The following BPTF variants were observed in gnomAD, a reference collection of about 807,000 sequenced individuals.
BPTF encodes nucleosome-remodeling factor subunit BPTF.
Under a neutral mutation model 292.5 loss-of-function variants are expected in BPTF, and 18 were observed. That is an observed-to-expected ratio of 0.06 (90% CI 0.04 to 0.09). The LOEUF (loss-of-function observed/expected upper bound fraction) is 0.09. Among genes scored for constraint, BPTF ranks in the 10% least tolerant of loss-of-function variants. BPTF has a pLI of 1.00. For missense variants in BPTF, 2,726 were observed against 3,498.7 expected, an observed-to-expected ratio of 0.78 and a Z score of 5.57; for synonymous variants, 1,225 against 1,251.9, an observed-to-expected ratio of 0.98 and a Z score of 0.45.
chr17:67,897,341 C>CAAAAAAAAAAAAAAA (rs750678904), intron 7 of BPTF, among the ~76,000 whole-genome samples: 2 of 17,766 alleles, frequency 1.1e-4, no homozygotes, highest in Non-Finnish European at 2.2e-4. Context: ...AACTCTGTCT[C>CAAAAAAAAAAAAAAA]AAAAAAAAAA....
chr17:67,976,701 A>AT (rs1599052793), intron 27 of BPTF, among the ~76,000 whole-genome samples: 2 of 135,954 alleles, frequency 1.5e-5, no homozygotes, highest in Admixed American at 7.9e-5. Context: ...AAAAAAAAAA[A>AT]AAAAAAAAAA....
chr17:67,952,226 A>G (rs1555678825), intron 23 of BPTF, among the ~76,000 whole-genome samples: 1 of 149,438 alleles, frequency 6.7e-6, no homozygotes, highest in African/African-American at 2.5e-5. Flanking sequence ...GCTTCCTTAC[A>G]TCTGCCTATT....
At chr17:67,827,302 G>A (rs2056169348) in intron 1 of BPTF, among the ~76,000 whole-genome samples, 1 of 152,090 alleles carries the variant, frequency 6.6e-6, no homozygotes, top group African/African-American at 2.4e-5. Flanking sequence ...CTATTTCTGA[G>A]GAAAAAGCCC....
At chr17:67,947,325 T>C (rs1392918402) in intron 21 of BPTF, among the ~76,000 whole-genome samples, 1 of 152,194 alleles carries the variant, frequency 6.6e-6, no homozygotes, top group Non-Finnish European at 1.5e-5. Context: ...CGAGGGACAG[T>C]TCTTTAAAAT....
Position 67,973,038 on chromosome 17 carries a change from TA to T in BPTF, c.8540-2733del, listed in dbSNP as rs1483569619. ...GTGTGTGTACTAAAATATATATATT[TA>T]TATATATATATATTTTATATATATA... On this transcript the variant is annotated intron_variant, in intron 26 of 27. Coordinates refer to ENST00000306378, the MANE Select transcript of BPTF (RefSeq NM_182641.4). 1.7e-4 allele frequency among the ~76,000 whole-genome samples: 23 copies of T among 136,772 alleles called. No individual in the cohort carries two copies. The East Asian group carries it at 4.2e-3, about 25-fold the overall frequency. 89.7% of individuals were successfully genotyped at this position (136,772 alleles called of 152,430 possible). A position where few individuals can be genotyped will look rare whatever the true frequency, so the allele number is the denominator to read the frequency against.
intron 19 of BPTF, among the ~76,000 whole-genome samples, chr17:67,943,091 G>A (rs559227176): frequency 6.6e-6 from 1 of 152,214 alleles, no homozygotes; most frequent in Non-Finnish European, 1.5e-5. Flanking sequence ...ATCAAAGTGA[G>A]GATAGTGCTT....
chr17:67,852,554 G>T (rs970424977), intron 1 of BPTF, among the ~76,000 whole-genome samples: 2 of 151,904 alleles, frequency 1.3e-5, no homozygotes, highest in African/African-American at 2.4e-5. Context: ...CTTAAAGATT[G>T]TTTCATTTTA....
Position 67,874,917 on chromosome 17 carries a change from T to A in BPTF, c.1761T>A (p.Ser587=), listed in dbSNP as rs2059964039. 6.2e-7 allele frequency: 1 copy of A among 1,613,622 alleles called. No individual in the cohort carries two copies. Among genetic ancestry groups the A allele is most frequent in the Admixed American group, 1.7e-5 (1 of 59,992 alleles). Residue 587 remains serine (S), a synonymous_variant, in exon 4 of 28, where the codon TCT becomes TCA. Coordinates refer to ENST00000306378, the MANE Select transcript of BPTF (RefSeq NM_182641.4). ...EKDKNETEND[S]KDAEKNREEF... ...ACAAGAATGAGACTGAGAATGACTC[T>A]AAAGATGCTGAGAAAAACAGAGAAG...
chr17:67,933,585 A>G (rs981775406), intron 18 of BPTF, among the ~76,000 whole-genome samples: 14 of 152,168 alleles, frequency 9.2e-5, no homozygotes, highest in African/African-American at 3.4e-4. Context: ...AGAAAAAAAG[A>G]AAAAAAAGAT....
chr17:67,979,751 A>G (rs1337511396), intron 27 of BPTF, among the ~76,000 whole-genome samples: 1 of 151,964 alleles, frequency 6.6e-6, no homozygotes, highest in Non-Finnish European at 1.5e-5. Flanking sequence ...AGTATAAGAA[A>G]TTACCCTGGC....
intron 7 of BPTF, among the ~76,000 whole-genome samples, chr17:67,894,393 G>A (rs1465285311): frequency 1.4e-5 from 2 of 146,026 alleles, no homozygotes; most frequent in African/African-American, 5.1e-5. Flanking sequence ...CAGTGGTGTA[G>A]TCTCGGCTTG....
intron 18 of BPTF, among the ~76,000 whole-genome samples, chr17:67,934,073 A>G (rs1261689797): frequency 1.3e-5 from 2 of 152,276 alleles, no homozygotes; most frequent in East Asian, 3.9e-4. Flanking sequence ...ATAATAATTC[A>G]TAGGCTTTTT....
intron 11 of BPTF, among the ~76,000 whole-genome samples, chr17:67,917,734 T>C (rs1304077617): frequency 6.6e-6 from 1 of 151,982 alleles, no homozygotes; most frequent in African/African-American, 2.4e-5. Context: ...CTGGGTTCAA[T>C]TGATTCTCCT....
intron 4 of BPTF, among the ~76,000 whole-genome samples, chr17:67,885,570 A>G (rs2060699150): frequency 6.6e-6 from 1 of 152,220 alleles, no homozygotes; most frequent in African/African-American, 2.4e-5. Flanking sequence ...AGCCTGCGCA[A>G]CAGAGTGAGA....
In BPTF at chr17:67,912,276, A is replaced by G; in HGVS notation, c.4392A>G (p.Pro1464=). The G allele has an allele frequency of 6.2e-7, 1 of 1,613,712 alleles. No individual in the cohort carries two copies. Among genetic ancestry groups the G allele is most frequent in the Non-Finnish European group, 8.5e-7 (1 of 1,179,732 alleles). Residue 1464 remains proline (P), a synonymous_variant, in exon 11 of 28, where the codon CCA becomes CCG. Transcript: ENST00000306378. ...CTGTTAAAGAATCTGCTATAAGGCC[A>G]TTCATTAATGGTGATGTCATCATGG... ...SLTVKESAIR[P]FINGDVIMED... is the part of the protein sequence containing the mutation.
intron 11 of BPTF, among the ~76,000 whole-genome samples, chr17:67,916,765 CAA>C (rs768285922): frequency 1.4e-4 from 8 of 56,382 alleles, no homozygotes; most frequent in Non-Finnish European, 1.2e-4. Context: ...TACTCTGTCT[CAA>C]AAAAAAAAAA....
chr17:67,832,350 T>C (rs1393133950), intron 1 of BPTF, among the ~76,000 whole-genome samples: 1 of 152,150 alleles, frequency 6.6e-6, no homozygotes, highest in Non-Finnish European at 1.5e-5. Flanking sequence ...ATAATTATAA[T>C]GTTTTAATTG....
chr17:67,938,653 T>C (rs2065119699), intron 18 of BPTF, among the ~76,000 whole-genome samples: 1 of 152,158 alleles, frequency 6.6e-6, no homozygotes, highest in Non-Finnish European at 1.5e-5. Context: ...TGTTACAACA[T>C]ATACCAGGAC....
chr17:67,984,231 T>A lies in BPTF; in HGVS notation c.*1943T>A, dbSNP rs1178792357. 2.0e-5 allele frequency: 3 copies of A among 152,624 alleles called. No individual in the cohort carries two copies. Among genetic ancestry groups the A allele is most frequent in the Admixed American group, 1.3e-4 (2 of 15,268 alleles). 9.5% of individuals were successfully genotyped at this position (152,624 alleles called of 1,614,324 possible). The stretch of plus-strand genomic sequence containing the variant: ...ATAAATATATATGGGCTTAATCATT[T>A]AAAATTTGTTGCAGCAAGAACTTTC... On this transcript the variant is annotated 3_prime_UTR_variant, in exon 28 of 28. Coordinates refer to ENST00000306378, the MANE Select transcript of BPTF (RefSeq NM_182641.4).
Sources: allele counts gnomAD v4.1 joint callset (sites outside exome capture counted in the v4.1 genomes callset), GRCh38; gene constraint gnomAD v4.1.1; transcripts MANE v1.5; gene names NCBI Gene and HGNC (gene_info 2026-07-23, HGNC 2026-07-21).